The following COL14A1 variants were observed in gnomAD, a reference collection of about 807,000 sequenced individuals.
COL14A1 encodes collagen alpha-1(XIV) chain.
In COL14A1, 136 loss-of-function variants were observed where a neutral mutation model predicts 230.3. The observed-to-expected ratio is 0.59, with a 90% CI of 0.51 to 0.68. The LOEUF (loss-of-function observed/expected upper bound fraction) is 0.68, where lower values mean the gene tolerates loss of function less well. Ranked by LOEUF, COL14A1 falls within the 30% of genes least tolerant of loss-of-function variation. The pLI, the probability that COL14A1 is intolerant of heterozygous loss-of-function variation, is 0.00. For missense variants in COL14A1, 1,976 were observed against 2,215.8 expected (o/e 0.89, Z 2.17); for synonymous variants, 792 against 784.1 (o/e 1.01, Z -0.17).
intron 26 of COL14A1, among the ~76,000 whole-genome samples, chr8:120,274,813 C>T (rs1378745333): frequency 6.6e-6 from 1 of 151,626 alleles, no homozygotes; most frequent in Non-Finnish European, 1.5e-5. Context: ...TTCTCTTCAA[C>T]AAGAATCACA....
rs201772008 is a variant in COL14A1 at position 120,247,585 on chromosome 8, C to T, written c.2480-28C>T. 4 of 1,598,272 alleles carry T rather than the reference C, an allele frequency of 2.5e-6. No homozygotes were observed. The East Asian group carries it at 6.7e-5, about 27-fold the overall frequency. On this transcript the variant is annotated intron_variant, in intron 20 of 47. Transcript: ENST00000297848. ...ATAAAGAAGGAAATTACACTGAATC[C>T]CTGTTTTTCCTTTTCTTTTCTACTC...
In COL14A1 at chr8:120,235,886, T is replaced by A. The variant is rs141300954; in HGVS notation, c.2349+4268T>A. Among the ~76,000 whole-genome samples, 1,141 of 152,328 alleles carry A rather than the reference T, an allele frequency of 7.5e-3. 11 individuals carry two copies. Among genetic ancestry groups the A allele is most frequent in the South Asian group, 0.031 (148 of 4,822 alleles). On this transcript the variant is annotated intron_variant, in intron 19 of 47. Transcript: ENST00000297848. ...GATTTTGTTATGTACCCAGTAGTCA[T>A]TCAGGAGCAGGTTGTTCAGTTTCCA...
At chr8:120,168,290 T>C in intron 5 of COL14A1, 43 bp downstream of exon 5, 1 of 1,409,584 alleles carries the variant, frequency 7.1e-7, no homozygotes, top group South Asian at 1.2e-5. Context: ...AGTTGGGTTG[T>C]TTTAATTACA....
chr8:120,152,055 G>A (rs1815300217), intron 2 of COL14A1, among the ~76,000 whole-genome samples: 1 of 152,022 alleles, frequency 6.6e-6, no homozygotes, highest in Non-Finnish European at 1.5e-5. Context: ...CTTTTAGCCC[G>A]GTGAGATTGA....
intron 2 of COL14A1, among the ~76,000 whole-genome samples, chr8:120,155,780 A>G (rs546326096): frequency 6.6e-6 from 1 of 152,332 alleles, no homozygotes; most frequent in South Asian, 2.1e-4. Context: ...TCCATAAGTA[A>G]TAAGAACCTA....
chr8:120,203,955 T>C, intron 9 of COL14A1, 85 bp downstream of exon 9: 1 of 1,412,918 alleles, frequency 7.1e-7, no homozygotes, highest in Non-Finnish European at 9.6e-7. Flanking sequence ...CTTTTCATTT[T>C]TCATGTTGGC....
intron 4 of COL14A1, among the ~76,000 whole-genome samples, chr8:120,167,930 C>T (rs1462613731): frequency 6.6e-6 from 1 of 152,160 alleles, no homozygotes; most frequent in Non-Finnish European, 1.5e-5. Flanking sequence ...CACATCTGCC[C>T]ATAGTGCATA....
intron 42 of COL14A1, among the ~76,000 whole-genome samples, chr8:120,334,978 G>A (rs188638984): frequency 1.3e-5 from 2 of 152,194 alleles, no homozygotes; most frequent in Non-Finnish European, 2.9e-5. Context: ...GACAATAAAC[G>A]TATTTGTGCA....
In COL14A1 at chr8:120,360,061, T is replaced by A. The variant is rs35644644; in HGVS notation, c.5078-7110T>A. Reference sequence around the variant, plus strand: ...GAAAGACCTGAAGTGCTAACTCCTTTGCCTTGATCTTGCTCTGGTTAGTGG... The same window carrying A: ...GAAAGACCTGAAGTGCTAACTCCTTAGCCTTGATCTTGCTCTGGTTAGTGG... On this transcript the variant is annotated intron_variant, in intron 45 of 47. Coordinates refer to ENST00000297848, the MANE Select transcript of COL14A1 (RefSeq NM_021110.4). Among the ~76,000 whole-genome samples, 747 of 152,324 alleles carry A rather than the reference T, an allele frequency of 4.9e-3. 2 individuals carry two copies. Among genetic ancestry groups the A allele is most frequent in the Non-Finnish European group, 7.1e-3 (481 of 68,034 alleles).
chr8:120,286,161 G>A (rs1276705240), intron 33 of COL14A1, among the ~76,000 whole-genome samples, 191 bp downstream of exon 33: 1 of 148,162 alleles, frequency 6.7e-6, no homozygotes, highest in Non-Finnish European at 1.5e-5. Context: ...CCTGAAATGT[G>A]CATTTTTTTT....
At chr8:120,234,102 G>T (rs1818365643) in intron 19 of COL14A1, among the ~76,000 whole-genome samples, 1 of 103,792 alleles carries the variant, frequency 9.6e-6, no homozygotes, top group Non-Finnish European at 1.9e-5. Flanking sequence ...GTTCGCTCAT[G>T]ATTTGGCTCT....
chr8:120,357,539 A>G (rs1823029231), intron 45 of COL14A1, among the ~76,000 whole-genome samples: 1 of 152,134 alleles, frequency 6.6e-6, no homozygotes, highest in Admixed American at 6.5e-5. Flanking sequence ...CCCACACTCA[A>G]GTAGAGAGGA....
chr8:120,168,328 G>A, intron 5 of COL14A1, 81 bp downstream of exon 5: 1 of 997,942 alleles, frequency 1.0e-6, no homozygotes, highest in Non-Finnish European at 1.5e-6. Context: ...TGGGGTTGCT[G>A]GTCCCATCTA....
intron 35 of COL14A1, among the ~76,000 whole-genome samples, chr8:120,299,859 C>A (rs941860640): frequency 6.6e-6 from 1 of 152,104 alleles, no homozygotes; most frequent in Non-Finnish European, 1.5e-5. Flanking sequence ...ATTTAACTGT[C>A]ATCTGTGCTC....
chr8:120,372,931 T>C lies in COL14A1; in HGVS notation c.*1700T>C, dbSNP rs1463331301. Among the ~76,000 whole-genome samples, 4 of 152,096 alleles carry C rather than the reference T, an allele frequency of 2.6e-5. No individual in the cohort carries two copies. The East Asian group carries it at 7.7e-4, about 29-fold the overall frequency. ...AGCAGCCATTTCCTTTCAGTTATGG[T>C]ATATGATTCTGCCTGAGAAAGCAGG... On this transcript the variant is annotated 3_prime_UTR_variant, in exon 48 of 48. Coordinates refer to ENST00000297848, the MANE Select transcript of COL14A1 (RefSeq NM_021110.4).
At chr8:120,241,782 T>A (rs1382325086) in intron 19 of COL14A1, among the ~76,000 whole-genome samples, 1 of 152,136 alleles carries the variant, frequency 6.6e-6, no homozygotes, top group Admixed American at 6.5e-5. Flanking sequence ...GACAAGATTC[T>A]TGGGGTTTCG....
At chr8:120,332,067 A>C in intron 40 of COL14A1, 74 bp from the exon 41 acceptor site, 1 of 1,289,780 alleles carries the variant, frequency 7.8e-7, no homozygotes, top group Middle Eastern at 1.9e-4. Context: ...AAACATGAAA[A>C]GGAACTAAAT....
intron 1 of COL14A1, among the ~76,000 whole-genome samples, chr8:120,133,894 A>G (rs1814626163): frequency 6.6e-6 from 1 of 152,098 alleles, no homozygotes; most frequent in Admixed American, 6.5e-5. Flanking sequence ...AAGACTTTGA[A>G]AAAATGTTAA....
At chr8:120,274,274 C>T (rs1338798838) in intron 26 of COL14A1, among the ~76,000 whole-genome samples, 1 of 151,796 alleles carries the variant, frequency 6.6e-6, no homozygotes, top group Non-Finnish European at 1.5e-5. Flanking sequence ...TAAAATCCAG[C>T]ATCCCTTTAT....
Sources: allele counts gnomAD v4.1 joint callset (sites outside exome capture counted in the v4.1 genomes callset), GRCh38; gene constraint gnomAD v4.1.1; transcripts MANE v1.5; gene names NCBI Gene and HGNC (gene_info 2026-07-23, HGNC 2026-07-21).